Variants in SLC37A3 observed in about 807,000 individuals in gnomAD.
The protein encoded by SLC37A3 is sugar phosphate exchanger 3.
A neutral mutation model predicts 67.1 loss-of-function variants in SLC37A3; 51 were observed. That is an observed-to-expected ratio of 0.76 (90% CI 0.61 to 0.96). The LOEUF is 0.96. Ranked by LOEUF, SLC37A3 falls within the 40% of genes least tolerant of loss-of-function variation. The pLI, the probability that SLC37A3 is intolerant of heterozygous loss-of-function variation, is 0.00. For missense variants in SLC37A3, 508 were observed against 603.0 expected, an observed-to-expected ratio of 0.84 and a Z score of 1.65; for synonymous variants, 214 against 231.4, an observed-to-expected ratio of 0.92 and a Z score of 0.68.
Position 140,380,397 on chromosome 7 carries a change from A to ACATG in SLC37A3, c.90-8_90-7insCATG. ...AGCATGGAGCAACGAATAACTACAA[A>ACATG]ATAGAGAGAATACAGATGAATGAAT... On this transcript the variant is annotated splice_region_variant and splice_polypyrimidine_tract_variant and intron_variant, in intron 2 of 14. Coordinates refer to ENST00000326232, the MANE Select transcript of SLC37A3 (RefSeq NM_207113.3). The ACATG allele has an allele frequency of 6.3e-7, 1 of 1,578,336 alleles. No individual in the cohort carries two copies. The highest frequency in any genetic ancestry group is 8.7e-7 in the Non-Finnish European group (1 of 1,148,138).
Position 140,398,523 on chromosome 7 carries a change from C to A in SLC37A3, c.-178G>T, listed in dbSNP as rs1361305974. ...GCCAGCTCACCCCTGGCGGTGCGAC[C>A]AGGGTTTCCGGACGCCCACGTGACC... On this transcript the variant is annotated 5_prime_UTR_variant, in exon 1 of 15. Coordinates refer to ENST00000326232, the MANE Select transcript of SLC37A3 (RefSeq NM_207113.3). The A allele has an allele frequency of 6.6e-6, 1 of 152,120 alleles. No individual in the cohort carries two copies. The highest frequency in any genetic ancestry group is 1.9e-4 in the East Asian group (1 of 5,166). The allele number at this position is 152,120 out of a possible 1,614,324, so 9.4% of individuals were successfully genotyped here.
At chr7:140,367,439 AAAT>A (rs1162024531) in intron 4 of SLC37A3, among the ~76,000 whole-genome samples, 1 of 152,222 alleles carries the variant, frequency 6.6e-6, no homozygotes, top group African/African-American at 2.4e-5. Flanking sequence ...CCGTCTCAAA[AAAT>A]AATAATACAA....
chr7:140,342,556 C>T (rs1349759683), intron 13 of SLC37A3, among the ~76,000 whole-genome samples: 1 of 152,118 alleles, frequency 6.6e-6, no homozygotes, highest in South Asian at 2.1e-4. Context: ...ACAGATGACT[C>T]TCAGATCCAT....
rs913094724 is a variant in SLC37A3 at position 140,351,444 on chromosome 7, C to A, written c.711G>T (p.Ser237=). The A allele has an allele frequency of 1.2e-6, 2 of 1,613,680 alleles. No individual in the cohort carries two copies. The highest frequency in any genetic ancestry group is 1.7e-6 in the Non-Finnish European group (2 of 1,179,788). ...LLVSPEEIGL[S]GIEAEENFEE... ...CAAAGTTTTCTTCTGCCTCAATACC[C>A]GAGAGACCTAAAATAACAGCGACAG... Residue 237 remains serine (S), a synonymous_variant, in exon 9 of 15, where the codon TCG becomes TCT. Coordinates refer to ENST00000326232, the MANE Select transcript of SLC37A3 (RefSeq NM_207113.3).
In SLC37A3 at chr7:140,335,134, C is replaced by T. The variant is rs1017340629; in HGVS notation, c.*278G>A. ...TAAACCTCAATAGGCCAAACAAAGA[C>T]GCGGGCAGAGTCAGAGGTCAAAGAT... On this transcript the variant is annotated 3_prime_UTR_variant, in exon 15 of 15. Coordinates refer to ENST00000326232, the MANE Select transcript of SLC37A3 (RefSeq NM_207113.3). The T allele has an allele frequency of 1.9e-5, 24 of 1,245,128 alleles. No homozygotes were observed. Among genetic ancestry groups the T allele is most frequent in the East Asian group, 1.5e-4 (6 of 40,688 alleles). The allele number at this position is 1,245,128 out of a possible 1,614,324, so 77.1% of individuals were successfully genotyped here.
chr7:140,366,823 G>A (rs1797619026), intron 4 of SLC37A3, among the ~76,000 whole-genome samples: 1 of 152,128 alleles, frequency 6.6e-6, no homozygotes, highest in Non-Finnish European at 1.5e-5. Context: ...CCTCTTTGAA[G>A]AAAAGATACT....
intron 1 of SLC37A3, among the ~76,000 whole-genome samples, chr7:140,383,948 G>T (rs1008255536): frequency 8.5e-5 from 13 of 152,088 alleles, no homozygotes; most frequent in African/African-American, 3.1e-4. Flanking sequence ...AAAGTGCTGG[G>T]ATTACAGGCA....
At chr7:140,384,197 A>C (rs1470964680) in intron 1 of SLC37A3, among the ~76,000 whole-genome samples, 1 of 152,214 alleles carries the variant, frequency 6.6e-6, no homozygotes, top group African/African-American at 2.4e-5. Flanking sequence ...CTTTTTAATG[A>C]CATGAGAAAA....
Position 140,334,629 on chromosome 7 carries a change from T to G in SLC37A3, c.*783A>C, listed in dbSNP as rs1397610191. ...ACGTCGGAATGTTCAAGATAAATGATGTACCTTATGGTCCTTTACACGTCA... is the reference window on the plus strand; with the variant it reads ...ACGTCGGAATGTTCAAGATAAATGAGGTACCTTATGGTCCTTTACACGTCA... On this transcript the variant is annotated 3_prime_UTR_variant, in exon 15 of 15. Coordinates refer to ENST00000326232, the MANE Select transcript of SLC37A3 (RefSeq NM_207113.3). 2 of 153,028 alleles carry G rather than the reference T, an allele frequency of 1.3e-5. No individual in the cohort carries two copies. The highest frequency in any genetic ancestry group is 4.8e-5 in the African/African-American group (2 of 41,446). 9.5% of individuals were successfully genotyped at this position (153,028 alleles called of 1,614,324 possible). A position where few individuals can be genotyped will look rare whatever the true frequency, so the allele number is the denominator to read the frequency against.
At chr7:140,376,362 A>T (rs1563042878) in intron 3 of SLC37A3, among the ~76,000 whole-genome samples, 1 of 152,348 alleles carries the variant, frequency 6.6e-6, no homozygotes, top group Non-Finnish European at 1.5e-5. Context: ...TTCATAGTGA[A>T]CCATCCCATG....
At chr7:140,383,780 G>A (rs897920631) in intron 1 of SLC37A3, among the ~76,000 whole-genome samples, 1 of 152,030 alleles carries the variant, frequency 6.6e-6, no homozygotes, top group Non-Finnish European at 1.5e-5. Flanking sequence ...AGGCTCAAGC[G>A]ATTCTCCAGC....
chr7:140,337,029 G>A (rs1796161672), intron 14 of SLC37A3, among the ~76,000 whole-genome samples: 1 of 147,760 alleles, frequency 6.8e-6, no homozygotes, highest in African/African-American at 2.5e-5. Flanking sequence ...AACCCGGGAG[G>A]CAGAGGCTGC....
chr7:140,349,274 CTACAGT>C (rs1229495680), intron 9 of SLC37A3, among the ~76,000 whole-genome samples: 1 of 152,212 alleles, frequency 6.6e-6, no homozygotes, highest in African/African-American at 2.4e-5. Flanking sequence ...AGGGACTACA[CTACAGT>C]TCCACGGTCT....
At chr7:140,366,309 A>T (rs1352571957) in intron 4 of SLC37A3, among the ~76,000 whole-genome samples, 1 of 152,120 alleles carries the variant, frequency 6.6e-6, no homozygotes, top group African/African-American at 2.4e-5. Context: ...GGGTTCTGCC[A>T]TGTTGGCCAG....
intron 1 of SLC37A3, among the ~76,000 whole-genome samples, chr7:140,389,528 G>A (rs192886551): frequency 1.7e-4 from 26 of 152,260 alleles, no homozygotes; most frequent in Admixed American, 5.9e-4. Context: ...TGCTCGGGGA[G>A]ACTGATTTGA....
chr7:140,352,309 A>G (rs750323934), intron 7 of SLC37A3, 163 bp from the exon 8 acceptor site: 262 of 624,428 alleles, frequency 4.2e-4, no homozygotes, highest in Non-Finnish European at 6.7e-4. Context: ...GGCGCCATGC[A>G]AAGTGTTCTA....
intron 3 of SLC37A3, among the ~76,000 whole-genome samples, chr7:140,372,011 C>T (rs1585332074): frequency 1.3e-5 from 2 of 152,204 alleles, no homozygotes; most frequent in Admixed American, 1.3e-4. Context: ...ACCACAACAC[C>T]CAGCTAATTT....
chr7:140,350,647 C>A (rs73472784), intron 9 of SLC37A3, among the ~76,000 whole-genome samples: 19,874 of 152,006 alleles, frequency 0.13, 1,540 homozygotes, highest in African/African-American at 0.2. Flanking sequence ...ACCTGTAATC[C>A]CAGCTACTCG....
At chr7:140,361,497 C>CT (rs1466472483) in intron 5 of SLC37A3, among the ~76,000 whole-genome samples, 8,363 of 50,982 alleles carry the variant, frequency 0.16, 1,977 homozygotes, top group African/African-American at 0.32. Flanking sequence ...GCCTCTCCCT[C>CT]CCCCTCCCCC....
Sources: gnomAD v4.1 joint callset for allele counts (sites outside exome capture counted in the v4.1 genomes callset) on GRCh38, gnomAD v4.1.1 for gene constraint, MANE v1.5 for transcripts, NCBI Gene and HGNC (gene_info 2026-07-23, HGNC 2026-07-21) for gene names.